Variants in TTC8 observed in about 807,000 individuals in gnomAD.
The protein encoded by TTC8 is tetratricopeptide repeat protein 8.
TTC8 carries 47 observed loss-of-function variants against 72.5 expected under a neutral mutation model. The ratio of observed to expected loss-of-function variants is 0.65; its 90% CI spans 0.51 to 0.83. The LOEUF (loss-of-function observed/expected upper bound fraction) is 0.83, where lower values mean the gene tolerates loss of function less well. Ranked by LOEUF, TTC8 falls within the 40% of genes least tolerant of loss-of-function variation. TTC8 has a pLI of 0.00. For synonymous variants in TTC8, 199 were observed against 221.4 expected, an observed-to-expected ratio of 0.90 and a Z score of 0.90; for missense variants, 611 against 623.2, an observed-to-expected ratio of 0.98 and a Z score of 0.21.
At chr14:88,877,002 T>C (rs182239678) in intron 14 of TTC8, among the ~76,000 whole-genome samples, 103 of 152,292 alleles carry the variant, frequency 6.8e-4, no homozygotes, top group African/African-American at 2.4e-3. Flanking sequence ...GGTTTCTAAA[T>C]TCATTACCAG....
chr14:88,839,031 G>A (rs1374671411), intron 2 of TTC8, among the ~76,000 whole-genome samples: 2 of 152,194 alleles, frequency 1.3e-5, no homozygotes, highest in Non-Finnish European at 2.9e-5. Context: ...ACAAGAGTGT[G>A]TAATAGGTTT....
At chr14:88,877,160 G>A in intron 14 of TTC8, 134 bp from the exon 15 acceptor site, 1 of 691,280 alleles carries the variant, frequency 1.4e-6, no homozygotes, top group Non-Finnish European at 2.5e-6. Flanking sequence ...TTAGTTGTGG[G>A]TTTGTTAAAA....
chr14:88,846,485 C>A, intron 7 of TTC8: 1 of 558,374 alleles, frequency 1.8e-6, no homozygotes, highest in Non-Finnish European at 3.2e-6. Flanking sequence ...AGTAAGAAGG[C>A]CAGTGTGGCT....
At position 88,871,297 on chromosome 14, in the gene TTC8, G is replaced by A. The variant is rs2094932817; in HGVS notation, c.1050-252G>A. ...TTTTGGTTCTCTAACAAAGCATTTG[G>A]GGAGAAAACTTAGATCAGTTGTTTG... On this transcript the variant is annotated intron_variant, in intron 11 of 14. Transcript: ENST00000380656. This position sits in a 1 kb window ranked among gnomAD's most constrained non-coding sequence, Gnocchi z 4.1. Among the ~76,000 whole-genome samples the A allele has an allele frequency of 6.6e-6, 1 of 152,104 alleles. No homozygotes were observed. The highest frequency in any genetic ancestry group is 6.5e-5 in the Admixed American group (1 of 15,282).
intron 8 of TTC8, among the ~76,000 whole-genome samples, chr14:88,856,837 T>C (rs1566847780): frequency 6.6e-6 from 1 of 152,102 alleles, no homozygotes; most frequent in East Asian, 1.9e-4. Flanking sequence ...TCCAGTAATA[T>C]GGAGACTCTA....
intron 2 of TTC8, among the ~76,000 whole-genome samples, chr14:88,839,023 A>G (rs565559637): frequency 6.6e-6 from 1 of 152,340 alleles, no homozygotes; most frequent in Admixed American, 6.5e-5. Context: ...TGAGAAAGAC[A>G]AGAGTGTGTA....
chr14:88,838,833 G>A (rs576513442), intron 2 of TTC8, among the ~76,000 whole-genome samples: 3 of 151,982 alleles, frequency 2.0e-5, no homozygotes, highest in African/African-American at 4.8e-5. Context: ...GTGTTGTTTC[G>A]TTATTGGAAT....
chr14:88,824,647 C>T, upstream of TTC8: 1 of 1,432,518 alleles, frequency 7.0e-7, no homozygotes, highest in Non-Finnish European at 9.6e-7. Flanking sequence ...GCCGCCAGCT[C>T]TTCACTCCAC....
chr14:88,824,223 G>T, upstream of TTC8: 1 of 158,652 alleles, frequency 6.3e-6, no homozygotes, highest in South Asian at 1.8e-4. Context: ...TGGTACTGTG[G>T]AAGCTGTTTA....
In TTC8 at chr14:88,877,281, G is replaced by C. The variant is rs756144118; in HGVS notation, c.1432-13G>C. On this transcript the variant is annotated splice_polypyrimidine_tract_variant and intron_variant, in intron 14 of 14. Coordinates refer to ENST00000380656, the MANE Select transcript of TTC8 (RefSeq NM_144596.4). The stretch of plus-strand genomic sequence containing the variant: ...GATCTCATTCCATGGTCTTATTCTT[G>C]TATTTTTTGCAGATTGGAGATCTGC... The C allele has an allele frequency of 6.2e-7, 1 of 1,604,816 alleles. No homozygotes were observed. Among genetic ancestry groups the C allele is most frequent in the East Asian group, 2.2e-5 (1 of 44,694 alleles).
rs762313028 is a variant in TTC8, at chr14:88,875,096, C to A, written c.1418C>A (p.Thr473Lys). The A allele has an allele frequency of 6.2e-7, 1 of 1,611,540 alleles. No homozygotes were observed. The highest frequency in any genetic ancestry group is 8.5e-7 in the Non-Finnish European group (1 of 1,178,426). Residue 473 changes from threonine (T) to lysine (K), a missense_variant, in exon 14 of 15, where the codon ACA (threonine) becomes AAA (lysine). By Grantham distance (78) the Thr-to-Lys change is moderately conservative. Transcript: ENST00000380656. ...HMYEPHFNFA[T>K]ISDKIGDLQR... ...TATGAACCGCATTTTAATTTTGCAA[C>A]AATCTCTGATAAGGTATTCTCTTTC...
chr14:88,839,906 C>T (rs2094772333), intron 3 of TTC8, among the ~76,000 whole-genome samples: 1 of 152,090 alleles, frequency 6.6e-6, no homozygotes, highest in Admixed American at 6.5e-5. Context: ...TATAAAAGTA[C>T]ATTCTATTTG....
In TTC8 at chr14:88,870,356, T is replaced by G. The variant is rs149573135; in HGVS notation, c.1049+158T>G. ...ATATATAATGAGCATTGAAGTGACATCCAATAATTTGGAAACATGCAGATG... is the reference window on the plus strand; with the variant it reads ...ATATATAATGAGCATTGAAGTGACAGCCAATAATTTGGAAACATGCAGATG... On this transcript the variant is annotated intron_variant, in intron 11 of 14. Coordinates refer to ENST00000380656, the MANE Select transcript of TTC8 (RefSeq NM_144596.4). 3.0e-3 allele frequency among the ~76,000 whole-genome samples: 462 copies of G among 152,316 alleles called. 2 individuals carry two copies. Among genetic ancestry groups the G allele is most frequent in the African/African-American group, 0.011 (446 of 41,566 alleles).
chr14:88,839,655 A>G (rs2140973717), intron 3 of TTC8, 83 bp downstream of exon 3: 2 of 1,452,124 alleles, frequency 1.4e-6, no homozygotes, highest in Admixed American at 1.7e-5. Context: ...ATATGCCTAT[A>G]TATTTCTACA....
Position 88,877,653 on chromosome 14 carries a change from T to C in TTC8, c.*243T>C, listed in dbSNP as rs767116374. 9.0e-6 allele frequency: 3 copies of C among 332,602 alleles called. No homozygotes were observed. The highest frequency in any genetic ancestry group is 2.1e-5 in the African/African-American group (1 of 47,130). The allele number at this position is 332,602 out of a possible 1,614,324, so 20.6% of individuals were successfully genotyped here. On this transcript the variant is annotated 3_prime_UTR_variant, in exon 15 of 15. Coordinates refer to ENST00000380656, the MANE Select transcript of TTC8 (RefSeq NM_144596.4). ...AACCTTTCTAAATAGATCCTGAAAC[T>C]GTCTCTCACATTATATAGTAGATGT...
chr14:88,841,677 T>A, intron 6 of TTC8, 163 bp downstream of exon 6: 1 of 676,346 alleles, frequency 1.5e-6, no homozygotes, highest in Non-Finnish European at 2.6e-6. Flanking sequence ...TTAATTGAGT[T>A]AAGGAAGGTC....
At chr14:88,863,000 A>G (rs1054615608) in intron 10 of TTC8, among the ~76,000 whole-genome samples, 8 of 137,162 alleles carry the variant, frequency 5.8e-5, no homozygotes, top group African/African-American at 2.2e-4. Context: ...TATTGATTGT[A>G]GGATTGGCCT....
At chr14:88,860,810 CTT>C (rs113496415) in intron 9 of TTC8, among the ~76,000 whole-genome samples, 18 of 144,682 alleles carry the variant, frequency 1.2e-4, no homozygotes, top group Non-Finnish European at 1.1e-4. Flanking sequence ...TCTTCTTCTT[CTT>C]TTTTTTTTTT....
intron 1 of TTC8, among the ~76,000 whole-genome samples, chr14:88,826,929 C>G (rs763856386): frequency 7.2e-5 from 11 of 152,034 alleles, no homozygotes; most frequent in Non-Finnish European, 1.3e-4. Context: ...ACCCTAAAGG[C>G]TCTGAGTAGT....
Sources: allele counts gnomAD v4.1 joint callset (sites outside exome capture counted in the v4.1 genomes callset), GRCh38; gene constraint gnomAD v4.1.1; non-coding constraint Gnocchi (gnomAD v3.1); transcripts MANE v1.5; gene names NCBI Gene and HGNC (gene_info 2026-07-23, HGNC 2026-07-21).